Variants in PRICKLE3 observed in about 807,000 individuals in gnomAD.
The protein encoded by PRICKLE3 is LIM domain only protein 6.
PRICKLE3 carries 17 observed loss-of-function variants against 33.8 expected under a neutral mutation model. The observed-to-expected ratio is 0.50, with a 90% CI of 0.34 to 0.75. The LOEUF is 0.75. Ranked by LOEUF, PRICKLE3 falls within the 30% of genes least tolerant of loss-of-function variation. The pLI, the probability that PRICKLE3 is intolerant of heterozygous loss-of-function variation, is 0.01. For synonymous variants in PRICKLE3, 211 were observed against 219.6 expected, an observed-to-expected ratio of 0.96 and a Z score of 0.34; for missense variants, 573 against 576.7, an observed-to-expected ratio of 0.99 and a Z score of 0.07.
chrX:49,183,285 G>A (rs2065466211), intron 3 of PRICKLE3, among the ~76,000 whole-genome samples: 2 of 111,456 alleles, frequency 1.8e-5, no homozygotes, highest in African/African-American at 3.3e-5. Flanking sequence ...GTGGGGCCAC[G>A]CATGGTGGCT....
At chrX:49,180,837 CATA>C (rs2065445258) in intron 3 of PRICKLE3, among the ~76,000 whole-genome samples, 1 of 111,412 alleles carries the variant, frequency 9.0e-6, no homozygotes, top group Admixed American at 9.6e-5. Flanking sequence ...GCCTGTGACA[CATA>C]ATGACAAACA....
intron 1 of PRICKLE3, chrX:49,185,044 A>G (rs2147877609): frequency 2.3e-6 from 1 of 432,284 alleles, no homozygotes; most frequent in Non-Finnish European, 3.5e-6. Flanking sequence ...CCTCCCCTAT[A>G]ATTCATTGTA....
At chrX:49,184,046 A>C in intron 2 of PRICKLE3, 129 bp from the exon 3 acceptor site, 1 of 860,912 alleles carries the variant, frequency 1.2e-6, no homozygotes, top group Non-Finnish European at 1.6e-6. Flanking sequence ...AGGGACAGGG[A>C]TCTGGGCCTG....
intron 1 of PRICKLE3, chrX:49,184,981 C>T: frequency 1.1e-6 from 1 of 917,333 alleles, no homozygotes; most frequent in Non-Finnish European, 1.4e-6. Context: ...TCCCCGTCCG[C>T]CCCTAGCCTC....
In PRICKLE3 at chrX:49,174,873, C is replaced by T. The variant is rs781785328; in HGVS notation, c.*800G>A. 2.2e-4 allele frequency: 112 copies of T among 504,383 alleles called. 1 individual carries two copies. In the South Asian group the frequency reaches 3.0e-3, roughly 14 times the overall value. 41.6% of individuals were successfully genotyped at this position (504,383 alleles called of 1,213,427 possible). A position where few individuals can be genotyped will look rare whatever the true frequency, so the allele number is the denominator to read the frequency against. On this transcript the variant is annotated 3_prime_UTR_variant, in exon 9 of 9. Transcript: ENST00000599218. ...GCCAATCAACCCTCCTGGGTGTGGC[C>T]ACCATATGTGTGTGCCTAGGTCCTC...
intron 3 of PRICKLE3, 169 bp downstream of exon 3, chrX:49,183,565 T>TG (rs1569526530): frequency 2.8e-6 from 3 of 1,069,575 alleles, no homozygotes; most frequent in Non-Finnish European, 2.5e-6. Context: ...ACCCAAGGTA[T>TG]GGGGGGCTGA....
At position 49,176,205 on chromosome X, in the gene PRICKLE3, G is replaced by T. The variant is rs782263409; in HGVS notation, c.1316C>A (p.Pro439Gln). The T allele has an allele frequency of 1.7e-6, 2 of 1,164,011 alleles. No homozygotes were observed. The highest frequency in any genetic ancestry group is 1.8e-5 in the African/African-American group (1 of 55,850). ...LRGAPHRHSM[P>Q]ELGLRSVPEP... Reference sequence around the variant, plus strand: ...GGGGACACTGCGGAGCCCCAGTTCCGGCATGGAGTGGCGGTGGGGAGCCCC... The same window carrying T: ...GGGGACACTGCGGAGCCCCAGTTCCTGCATGGAGTGGCGGTGGGGAGCCCC... The change falls in exon 9 of 9, where the codon CCG becomes CAG. Residue 439 changes from proline to glutamine, a missense_variant. Coordinates refer to ENST00000599218, the MANE Select transcript of PRICKLE3 (RefSeq NM_006150.5).
intron 8 of PRICKLE3, 94 bp downstream of exon 8, chrX:49,176,809 G>A: frequency 1.1e-6 from 1 of 926,016 alleles, no homozygotes; most frequent in Admixed American, 3.7e-5. Context: ...TGAAGGGCCT[G>A]GGCTAGTCAA....
At chrX:49,186,232 A>G in intron 1 of PRICKLE3, 24 bp downstream of exon 1, 1 of 1,154,025 alleles carries the variant, frequency 8.7e-7, no homozygotes, top group Non-Finnish European at 1.2e-6. Flanking sequence ...CCCGACCCCC[A>G]CCGCTGCCCT....
In PRICKLE3 at chrX:49,175,405, C is replaced by T; in HGVS notation, c.*268G>A. 1.2e-5 allele frequency: 4 copies of T among 331,543 alleles called. No homozygotes were observed. Among genetic ancestry groups the T allele is most frequent in the Non-Finnish European group, 1.0e-5 (2 of 191,947 alleles). 27.3% of individuals were successfully genotyped at this position (331,543 alleles called of 1,213,427 possible). A position where few individuals can be genotyped will look rare whatever the true frequency, so the allele number is the denominator to read the frequency against. On this transcript the variant is annotated 3_prime_UTR_variant, in exon 9 of 9. Coordinates refer to ENST00000599218, the MANE Select transcript of PRICKLE3 (RefSeq NM_006150.5). ...GAACGCTGACACGAGCCTGGAGTCC[C>T]AGCTACTTGGGAGGCTGAGGTGGGA...
chrX:49,184,925 C>A, intron 1 of PRICKLE3: 1 of 1,093,035 alleles, frequency 9.1e-7, no homozygotes. Context: ...CCTTATATGT[C>A]CCCTTTTCAG....
At position 49,177,022 on chromosome X, in the gene PRICKLE3, C is replaced by T. The variant is rs782124433; in HGVS notation, c.1136G>A (p.Arg379His). Residue 379 changes from arginine (R) to histidine (H), a missense_variant, in exon 8 of 9, where the codon CGC (arginine) becomes CAC (histidine). By Grantham distance (29) the Arg-to-His change is conservative. Transcript: ENST00000599218. ...GACAGGGCCGGCACTCCAGCTGCGG[C>T]GGCTCGGCCCTGGAGCTGTGGGCTC... ...GSEPTAPGPS[R>H]RSWSAGPVTA... 2.2e-5 allele frequency: 26 copies of T among 1,207,882 alleles called. No individual in the cohort carries two copies. The highest frequency in any genetic ancestry group is 2.3e-4 in the Middle Eastern group (1 of 4,308).
At chrX:49,184,500 T>A in intron 2 of PRICKLE3, 125 bp downstream of exon 2, 4 of 643,357 alleles carry the variant, frequency 6.2e-6, no homozygotes, top group Non-Finnish European at 9.0e-6. Context: ...AGCCTGAGGC[T>A]CTTTTCCCAA....
Position 49,175,761 on chromosome X carries a change from G to A in PRICKLE3, c.1760C>T (p.Thr587Ile). The change falls in exon 9 of 9, where the codon ACC (threonine) becomes ATC (isoleucine). Residue 587 changes from threonine to isoleucine, a missense_variant. Thr to Ile is a moderately conservative substitution (Grantham distance 89). Coordinates refer to ENST00000599218, the MANE Select transcript of PRICKLE3 (RefSeq NM_006150.5). ...GAGCGATAAAGATGGGGAGTTGAAG[G>A]TCTCCATTGCAGTGTCCTGAGCAGG... Reference protein sequence around the residue: ...PMPAQDTAMETFNSPSLSLPR... With the variant: ...PMPAQDTAMEIFNSPSLSLPR... 1 of 1,211,814 alleles carries A rather than the reference G, an allele frequency of 8.3e-7. No individual in the cohort carries two copies. The highest frequency in any genetic ancestry group is 1.1e-6 in the Non-Finnish European group (1 of 895,442).
Position 49,178,256 on chromosome X carries a change from G to A in PRICKLE3, c.768+16C>T, listed in dbSNP as rs377523835. On this transcript the variant is annotated intron_variant, in intron 6 of 8. Coordinates refer to ENST00000599218, the MANE Select transcript of PRICKLE3 (RefSeq NM_006150.5). ...GCCCACCCTCAACTCCCACCCCTGG[G>A]CAGGGAGGCCCAAACCTCGTCACAG... is the stretch of plus-strand genomic sequence containing the variant. The A allele has an allele frequency of 2.7e-5, 32 of 1,199,181 alleles. No homozygotes were observed. The African/African-American group carries it at 4.2e-4, about 16-fold the overall frequency.
intron 3 of PRICKLE3, among the ~76,000 whole-genome samples, chrX:49,181,565 G>GTATATGTACGTGTA (rs1557101120): frequency 0.018 from 376 of 20,535 alleles, 154 homozygotes; most frequent in African/African-American, 0.075. Flanking sequence ...ATATATACAC[G>GTATATGTACGTGTA]TATATATACG....
Position 49,175,877 on chromosome X carries a change from C to T in PRICKLE3, c.1644G>A (p.Ser548=). 1.7e-6 allele frequency: 2 copies of T among 1,211,732 alleles called. No homozygotes were observed. The highest frequency in any genetic ancestry group is 2.2e-6 in the Non-Finnish European group (2 of 895,518). The stretch of plus-strand genomic sequence containing the variant: ...ATGATTCGGAACTGGAACTGGAGGG[C>T]GAGCTGGAGCAAGATTCCGAGTCTG... ...SGSDSESCSS[S]PSSSSSESSE... Residue 548 remains serine (S), a synonymous_variant, in exon 9 of 9, where the codon TCG becomes TCA. Coordinates refer to ENST00000599218, the MANE Select transcript of PRICKLE3 (RefSeq NM_006150.5).
intron 3 of PRICKLE3, among the ~76,000 whole-genome samples, chrX:49,181,617 GTA>G (rs1472015545): frequency 1.3e-3 from 4 of 3,190 alleles, no homozygotes; most frequent in African/African-American, 1.4e-3. Flanking sequence ...ATATATATGT[GTA>G]TATATATATA....
chrX:49,177,153 T>C lies in PRICKLE3; in HGVS notation c.1005A>G (p.Ser335=), dbSNP rs1557100248. 1 of 1,197,196 alleles carries C rather than the reference T, an allele frequency of 8.4e-7. No homozygotes were observed. ...AGCGACTACAGCAGAAGCAGCGGTC[T>C]GAGGCATGCCAGTGCTGGCCCTCGT... ...MAYEGQHWHA[S]DRCFCCSRCG... is the part of the protein sequence containing the mutation. The change falls in exon 8 of 9, where the codon TCA becomes TCG. Residue 335 remains serine, a synonymous_variant. Transcript: ENST00000599218.
Sources: allele counts gnomAD v4.1 joint callset (sites outside exome capture counted in the v4.1 genomes callset), GRCh38; gene constraint gnomAD v4.1.1; transcripts MANE v1.5; gene names NCBI Gene and HGNC (gene_info 2026-07-23, HGNC 2026-07-21).